CSMD1: variants seen among roughly 807,000 people sequenced by gnomAD.
CSMD1 encodes CUB and sushi domain-containing protein 1.
In CSMD1, 213 loss-of-function variants were observed where a neutral mutation model predicts 417.5. The ratio of observed to expected loss-of-function variants is 0.51; its 90% CI spans 0.46 to 0.57. The LOEUF (loss-of-function observed/expected upper bound fraction) is 0.57. CSMD1 is among the 20% of genes least tolerant of loss of function. The probability of loss-of-function intolerance (pLI) is 0.00; values close to 1 mark genes in which losing one functional copy is unlikely to be tolerated. For synonymous variants in CSMD1, 2,862 were observed against 1,736.8 expected (o/e 1.65, Z -16.11); for missense variants, 6,923 against 4,529.7 (o/e 1.53, Z -15.17).
intron 3 of CSMD1, among the ~76,000 whole-genome samples, chr8:4,294,873 C>T (rs1015749475): frequency 1.2e-4 from 18 of 151,614 alleles, no homozygotes; most frequent in African/African-American, 4.4e-4. Flanking sequence ...TGTCTTTGCC[C>T]TTTTAGTAGC....
intron 3 of CSMD1, among the ~76,000 whole-genome samples, chr8:4,219,327 AC>A (rs1290607384): frequency 6.6e-6 from 1 of 152,138 alleles, no homozygotes; most frequent in African/African-American, 2.4e-5. Context: ...AATTTCATTC[AC>A]TTTCGTAACT....
chr8:4,193,905 C>G (rs534361459), intron 3 of CSMD1, among the ~76,000 whole-genome samples: 1 of 151,688 alleles, frequency 6.6e-6, no homozygotes, highest in Non-Finnish European at 1.5e-5. Flanking sequence ...CGAAGGAAAG[C>G]GGCAGGAGAA....
chr8:4,182,046 GT>G (rs67048439), intron 3 of CSMD1, among the ~76,000 whole-genome samples: 10,776 of 145,916 alleles, frequency 0.074, 494 homozygotes, highest in East Asian at 0.16. Flanking sequence ...GTGTGTGTCG[GT>G]GTGTGTGTGT....
chr8:4,014,374 T>A (rs75684371), intron 4 of CSMD1, among the ~76,000 whole-genome samples: 1 of 152,196 alleles, frequency 6.6e-6, no homozygotes, highest in South Asian at 2.1e-4. Context: ...AATCAAATTA[T>A]GTCAATGCAC....
intron 3 of CSMD1, among the ~76,000 whole-genome samples, chr8:4,252,970 C>T (rs763102878): frequency 6.6e-6 from 1 of 152,186 alleles, no homozygotes; most frequent in Admixed American, 6.5e-5. Flanking sequence ...TTCATGACAG[C>T]CCAGTAAGCC....
chr8:4,711,928 G>C lies in CSMD1; in HGVS notation c.86-74370C>G, dbSNP rs143020262. ...GTGCCTACTACAGGAAAGGGACTGA[G>C]CTGGCTGGCTACTGTGCACATCTCA... On this transcript the variant is annotated intron_variant, in intron 1 of 69. Transcript: ENST00000635120. 1.8e-4 allele frequency among the ~76,000 whole-genome samples: 28 copies of C among 152,314 alleles called. No individual in the cohort carries two copies. The East Asian group carries it at 4.4e-3, about 24-fold the overall frequency.
At chr8:3,025,599 A>G (rs1809811310) in intron 51 of CSMD1, among the ~76,000 whole-genome samples, 1 of 152,252 alleles carries the variant, frequency 6.6e-6, no homozygotes, top group Admixed American at 6.5e-5. Flanking sequence ...TCCCTTTCCA[A>G]TGACTACACT....
chr8:4,529,955 C>A (rs1796711609), intron 2 of CSMD1, among the ~76,000 whole-genome samples: 1 of 151,670 alleles, frequency 6.6e-6, no homozygotes, highest in Non-Finnish European at 1.5e-5. Flanking sequence ...CGATTTGTCA[C>A]CCAGGCTGGA....
Position 3,747,440 on chromosome 8 carries a change from C to A in CSMD1, c.931+6490G>T, listed in dbSNP as rs149275796. 3.0e-3 allele frequency among the ~76,000 whole-genome samples: 463 copies of A among 152,170 alleles called. 4 individuals are homozygous for A. The highest frequency in any genetic ancestry group is 0.011 in the African/African-American group (440 of 41,518). ...TATTTTTTTTTTACTAATGGTCATCCATGCGAACACATAGCTTTGCAAATT... is the reference window on the plus strand; with the variant it reads ...TATTTTTTTTTTACTAATGGTCATCAATGCGAACACATAGCTTTGCAAATT... On this transcript the variant is annotated intron_variant, in intron 6 of 69. Transcript: ENST00000635120.
chr8:3,238,607 G>A (rs1448488823), intron 26 of CSMD1, among the ~76,000 whole-genome samples: 1 of 152,054 alleles, frequency 6.6e-6, no homozygotes, highest in East Asian at 1.9e-4. Flanking sequence ...GTGATATTGT[G>A]GGGTTGTTAG....
chr8:4,212,747 TA>T (rs1554495812), intron 3 of CSMD1, among the ~76,000 whole-genome samples: 1 of 116,288 alleles, frequency 8.6e-6, no homozygotes, highest in Non-Finnish European at 1.7e-5. Context: ...ACAGCGGCCT[TA>T]TTCTTTTTTT....
At chr8:4,267,556 G>A (rs186781597) in intron 3 of CSMD1, among the ~76,000 whole-genome samples, 1 of 151,790 alleles carries the variant, frequency 6.6e-6, no homozygotes, top group Non-Finnish European at 1.5e-5. Context: ...AATAGAAATA[G>A]CAATGGTCAC....
intron 27 of CSMD1, among the ~76,000 whole-genome samples, chr8:3,227,264 G>T (rs150298636): frequency 0.028 from 4,264 of 152,132 alleles, 196 homozygotes; most frequent in African/African-American, 0.097. Flanking sequence ...AGCCGGGCTT[G>T]GTGGTGGGCG....
At chr8:3,372,941 C>T (rs578099719) in intron 18 of CSMD1, among the ~76,000 whole-genome samples, 17 of 152,248 alleles carry the variant, frequency 1.1e-4, no homozygotes, top group African/African-American at 3.9e-4. Context: ...GTCCCGAATT[C>T]AGAAGGTTTG....
At chr8:4,761,940 T>TATCA (rs1431656665) in intron 1 of CSMD1, among the ~76,000 whole-genome samples, 3 of 149,478 alleles carry the variant, frequency 2.0e-5, no homozygotes, top group African/African-American at 7.4e-5. Flanking sequence ...TCTATCTATC[T>TATCA]ATCTATCTAT....
At chr8:3,265,702 G>T (rs576016434) in intron 26 of CSMD1, among the ~76,000 whole-genome samples, 1 of 152,204 alleles carries the variant, frequency 6.6e-6, no homozygotes, top group Non-Finnish European at 1.5e-5. Context: ...AGAATCTGAA[G>T]AGGTTTTTTT....
intron 2 of CSMD1, among the ~76,000 whole-genome samples, chr8:4,430,725 C>T (rs1211175895): frequency 6.6e-6 from 1 of 151,942 alleles, no homozygotes; most frequent in East Asian, 1.9e-4. Context: ...AGATTTTGCC[C>T]CCAAGCATGA....
At chr8:4,284,507 C>T (rs189031934) in intron 3 of CSMD1, among the ~76,000 whole-genome samples, 1 of 152,236 alleles carries the variant, frequency 6.6e-6, no homozygotes, top group African/African-American at 2.4e-5. Context: ...CGCACCATGC[C>T]TTCCCATATG....
chr8:3,466,719 C>A (rs1015877302), intron 12 of CSMD1, among the ~76,000 whole-genome samples: 1 of 151,926 alleles, frequency 6.6e-6, no homozygotes, highest in Non-Finnish European at 1.5e-5. Flanking sequence ...GTCAGCCCCC[C>A]TGCCCGGGCT....
Sources: gnomAD v4.1 joint callset for allele counts (sites outside exome capture counted in the v4.1 genomes callset) on GRCh38, gnomAD v4.1.1 for gene constraint, MANE v1.5 for transcripts, NCBI Gene and HGNC (gene_info 2026-07-23, HGNC 2026-07-21) for gene names.